Variants in TMEM97 observed in about 807,000 individuals in gnomAD.
TMEM97 encodes the protein sigma intracellular receptor 2.
Under a neutral mutation model 18.3 loss-of-function variants are expected in TMEM97, and 13 were observed. The ratio of observed to expected loss-of-function variants is 0.71; its 90% CI spans 0.46 to 1.13. TMEM97 has a LOEUF of 1.13. TMEM97 is among the 50% of genes most tolerant of loss of function. The probability of loss-of-function intolerance (pLI) is 0.00; values close to 1 mark genes in which losing one functional copy is unlikely to be tolerated. For synonymous variants in TMEM97, 76 were observed against 85.3 expected (o/e 0.89, Z 0.60); for missense variants, 205 against 210.5 (o/e 0.97, Z 0.16).
At chr17:28,319,552 C>T in intron 1 of TMEM97, 187 bp downstream of exon 1, 1 of 649,002 alleles carries the variant, frequency 1.5e-6, no homozygotes. Flanking sequence ...CTATCCCAGC[C>T]CCTTCTCCCA....
intron 1 of TMEM97, among the ~76,000 whole-genome samples, chr17:28,322,963 A>G (rs782243374): frequency 3.6e-4 from 55 of 152,242 alleles, no homozygotes; most frequent in East Asian, 7.7e-4. Flanking sequence ...AATTACATTC[A>G]ATTAATCATT....
chr17:28,325,668 T>C, intron 2 of TMEM97, 21 bp downstream of exon 2: 1 of 1,613,672 alleles, frequency 6.2e-7, no homozygotes, highest in Non-Finnish European at 8.5e-7. Flanking sequence ...GGTGGGAAAA[T>C]CCCATTTTTA....
chr17:28,327,956 G>A lies in TMEM97; in HGVS notation c.*1163G>A, dbSNP rs1906434821. 1 of 152,358 alleles carries A rather than the reference G, an allele frequency of 6.6e-6. No individual in the cohort carries two copies. The highest frequency in any genetic ancestry group is 2.4e-5 in the African/African-American group (1 of 41,444). 9.4% of individuals were successfully genotyped at this position (152,358 alleles called of 1,614,324 possible). A position where few individuals can be genotyped will look rare whatever the true frequency, so the allele number is the denominator to read the frequency against. ...TAACTTAATCTTTTAATACAGTTCC[G>A]TCATTCCCATCTTGTTTTCAGAAGA... On this transcript the variant is annotated 3_prime_UTR_variant, in exon 3 of 3. Coordinates refer to ENST00000226230, the MANE Select transcript of TMEM97 (RefSeq NM_014573.3).
At chr17:28,322,243 CTT>C (rs367769241) in intron 1 of TMEM97, among the ~76,000 whole-genome samples, 3 of 142,838 alleles carry the variant, frequency 2.1e-5, no homozygotes, top group Admixed American at 7.0e-5. Context: ...GTTTTTCTTT[CTT>C]TTTTTTTTTT....
In TMEM97 at chr17:28,319,210, A is replaced by G. The variant is rs564158135; in HGVS notation, c.-30A>G. ...GCGCGGATTTGGCCCCTCTTCTCACATCAGCGGGTCCAGGCCCAACCGACA... is the reference window on the plus strand; with the variant it reads ...GCGCGGATTTGGCCCCTCTTCTCACGTCAGCGGGTCCAGGCCCAACCGACA... On this transcript the variant is annotated 5_prime_UTR_variant, in exon 1 of 3. Transcript: ENST00000226230. 3.8e-6 allele frequency: 6 copies of G among 1,569,904 alleles called. No homozygotes were observed. The highest frequency in any genetic ancestry group is 3.7e-5 in the Admixed American group (2 of 53,980).
intron 1 of TMEM97, among the ~76,000 whole-genome samples, chr17:28,321,758 C>T (rs1906150337): frequency 6.6e-6 from 1 of 151,110 alleles, no homozygotes. Context: ...TGACTTACTG[C>T]AGAAGGCCCA....
At chr17:28,321,268 A>G (rs782390996) in intron 1 of TMEM97, among the ~76,000 whole-genome samples, 6 of 152,218 alleles carry the variant, frequency 3.9e-5, no homozygotes, top group Non-Finnish European at 5.9e-5. Context: ...CTTGGTAATT[A>G]GCCTGCTACT....
At position 28,328,621 on chromosome 17, in the gene TMEM97, G is replaced by C. The variant is rs782249628; in HGVS notation, c.*1828G>C. 6 of 1,448,244 alleles carry C rather than the reference G, an allele frequency of 4.1e-6. No homozygotes were observed. The highest frequency in any genetic ancestry group is 1.4e-5 in the African/African-American group (1 of 70,012). 89.7% of individuals were successfully genotyped at this position (1,448,244 alleles called of 1,614,324 possible). A position where few individuals can be genotyped will look rare whatever the true frequency, so the allele number is the denominator to read the frequency against. ...GTTTTGAGAGGCTTTTTTTTGTTTT[G>C]CCTTCCTACTATAAAAGCGAAATTT... is the stretch of plus-strand genomic sequence containing the variant. On this transcript the variant is annotated 3_prime_UTR_variant, in exon 3 of 3. Transcript: ENST00000226230.
chr17:28,323,876 T>A (rs1906240006), intron 1 of TMEM97, among the ~76,000 whole-genome samples: 1 of 152,122 alleles, frequency 6.6e-6, no homozygotes, highest in African/African-American at 2.4e-5. Flanking sequence ...CGCATACCTG[T>A]AGTCCCAGCT....
At chr17:28,323,122 A>G (rs1194045099) in intron 1 of TMEM97, among the ~76,000 whole-genome samples, 1 of 152,012 alleles carries the variant, frequency 6.6e-6, no homozygotes, top group Non-Finnish European at 1.5e-5. Flanking sequence ...ACTCTACCCC[A>G]GGTCCTACAC....
At chr17:28,322,559 T>C (rs1906187791) in intron 1 of TMEM97, among the ~76,000 whole-genome samples, 1 of 152,184 alleles carries the variant, frequency 6.6e-6, no homozygotes, top group South Asian at 2.1e-4. Context: ...AAACTCTTAT[T>C]TTATTATGAA....
chr17:28,325,355 A>G, intron 1 of TMEM97, 148 bp from the exon 2 acceptor site: 3 of 1,013,212 alleles, frequency 3.0e-6, no homozygotes, highest in Non-Finnish European at 4.3e-6. Flanking sequence ...GCTGTGTCAC[A>G]AAAGCCAGCT....
chr17:28,320,182 C>A (rs1555574789), intron 1 of TMEM97, among the ~76,000 whole-genome samples: 1 of 152,132 alleles, frequency 6.6e-6, no homozygotes, highest in East Asian at 1.9e-4. Context: ...ACTGACTTGT[C>A]TACCCGAAGA....
In TMEM97 at chr17:28,328,457, A is replaced by G. The variant is rs1906470370; in HGVS notation, c.*1664A>G. ...TGAGAACGTACACTGCAGGGCCACCAGCAGCAGCTGTGCACTGATGTTAAA... is the reference window on the plus strand; with the variant it reads ...TGAGAACGTACACTGCAGGGCCACCGGCAGCAGCTGTGCACTGATGTTAAA... On this transcript the variant is annotated 3_prime_UTR_variant, in exon 3 of 3. Transcript: ENST00000226230. 5.2e-6 allele frequency: 3 copies of G among 580,086 alleles called. No homozygotes were observed. In the South Asian group the frequency reaches 6.6e-5, roughly 13 times the overall value. 35.9% of individuals were successfully genotyped at this position (580,086 alleles called of 1,614,324 possible).
chr17:28,320,148 A>C (rs551283254), intron 1 of TMEM97, among the ~76,000 whole-genome samples: 1 of 151,806 alleles, frequency 6.6e-6, no homozygotes, highest in Non-Finnish European at 1.5e-5. Context: ...TTGTTTCTCC[A>C]TCTTATCTAT....
chr17:28,319,880 C>G (rs1906077518), intron 1 of TMEM97, among the ~76,000 whole-genome samples: 1 of 152,158 alleles, frequency 6.6e-6, no homozygotes, highest in South Asian at 2.1e-4. Flanking sequence ...CCAGCAACTT[C>G]CAGAGCTCAG....
At chr17:28,325,804 A>ACATTAGTGTGG in intron 2 of TMEM97, 157 bp downstream of exon 2, 1 of 1,017,474 alleles carries the variant, frequency 9.8e-7, no homozygotes, top group South Asian at 1.6e-5. Flanking sequence ...TTGTAAAGGG[A>ACATTAGTGTGG]CATTAGTGTG....
Position 28,326,884 on chromosome 17 carries a change from TCAG to T in TMEM97, c.*97_*99del. ...GGAACACTGCTCAGAACCCACGTCT[TCAG>T]CAGCATTTGAAACACTGGCAGCAAT... On this transcript the variant is annotated 3_prime_UTR_variant, in exon 3 of 3. Transcript: ENST00000226230. 2 of 1,448,592 alleles carry T rather than the reference TCAG, an allele frequency of 1.4e-6. No homozygotes were observed. The highest frequency in any genetic ancestry group is 1.8e-6 in the Non-Finnish European group (2 of 1,081,758). 89.7% of individuals were successfully genotyped at this position (1,448,592 alleles called of 1,614,324 possible).
chr17:28,326,138 G>A (rs1462792327), intron 2 of TMEM97, among the ~76,000 whole-genome samples: 4 of 152,144 alleles, frequency 2.6e-5, no homozygotes, highest in Non-Finnish European at 5.9e-5. Context: ...CACTGAAAAT[G>A]CTCGTTTCCC....
Sources: gnomAD v4.1 joint callset for allele counts (sites outside exome capture counted in the v4.1 genomes callset) on GRCh38, gnomAD v4.1.1 for gene constraint, MANE v1.5 for transcripts, NCBI Gene and HGNC (gene_info 2026-07-23, HGNC 2026-07-21) for gene names.